SLC1A3: variants seen among roughly 807,000 people sequenced by gnomAD.
SLC1A3 encodes solute carrier family 1 member 3.
In SLC1A3, 21 loss-of-function variants were observed where a neutral mutation model predicts 48.1. That is an observed-to-expected ratio of 0.44 (90% CI 0.31 to 0.63). SLC1A3 has a LOEUF of 0.63. Among genes scored for constraint, SLC1A3 ranks in the 20% least tolerant of loss-of-function variants. SLC1A3 has a pLI of 0.08. For missense variants in SLC1A3, 546 were observed against 689.0 expected, an observed-to-expected ratio of 0.79 and a Z score of 2.32; for synonymous variants, 239 against 251.4, an observed-to-expected ratio of 0.95 and a Z score of 0.47.
intron 1 of SLC1A3, among the ~76,000 whole-genome samples, chr5:36,607,550 C>T (rs1739003154): frequency 6.6e-6 from 1 of 152,198 alleles, no homozygotes; most frequent in South Asian, 2.1e-4. Flanking sequence ...TTTTAAAACG[C>T]TAAAAAGTCA....
chr5:36,616,192 C>G (rs188934496), intron 2 of SLC1A3, among the ~76,000 whole-genome samples: 2 of 151,544 alleles, frequency 1.3e-5, no homozygotes, highest in East Asian at 3.9e-4. Flanking sequence ...GAGACTCCAT[C>G]TAAAAAAAAA....
chr5:36,604,917 G>T (rs1301567207), upstream of SLC1A3, among the ~76,000 whole-genome samples: 197 of 135,004 alleles, frequency 1.5e-3, no homozygotes, highest in African/African-American at 4.3e-3. Context: ...GGGGGGGGGG[G>T]GTGTGCAAAT....
At chr5:36,652,590 C>G (rs1284427220) in intron 3 of SLC1A3, among the ~76,000 whole-genome samples, 1 of 152,190 alleles carries the variant, frequency 6.6e-6, no homozygotes, top group Admixed American at 6.5e-5. Context: ...AGATTCACGT[C>G]TTCTGAAGCC....
chr5:36,637,221 C>T (rs922579332), intron 3 of SLC1A3, among the ~76,000 whole-genome samples: 1 of 152,212 alleles, frequency 6.6e-6, no homozygotes, highest in African/African-American at 2.4e-5. Context: ...TCTATTAATG[C>T]AGGCCAAGGT....
intron 1 of SLC1A3, among the ~76,000 whole-genome samples, chr5:36,599,508 C>CTTTT (rs1176214248): frequency 0.092 from 7,167 of 77,892 alleles, 764 homozygotes; most frequent in African/African-American, 0.18. Context: ...TACGGTTGAA[C>CTTTT]TTTTTTTTTT....
chr5:36,658,444 A>T (rs890844256), intron 3 of SLC1A3, among the ~76,000 whole-genome samples: 2 of 152,160 alleles, frequency 1.3e-5, no homozygotes, highest in African/African-American at 4.8e-5. Context: ...AAATAATGAT[A>T]TATGAGGATC....
At chr5:36,602,035 T>C (rs1336325596), upstream of SLC1A3, among the ~76,000 whole-genome samples, 1 of 152,118 alleles carries the variant, frequency 6.6e-6, no homozygotes, top group African/African-American at 2.4e-5. Context: ...TGGTAATGAC[T>C]CTGGAGATTT....
intron 3 of SLC1A3, among the ~76,000 whole-genome samples, chr5:36,656,473 C>T (rs1741290113): frequency 6.6e-6 from 1 of 152,174 alleles, no homozygotes; most frequent in Non-Finnish European, 1.5e-5. Context: ...AAATATTTTT[C>T]ATAATTTTTC....
chr5:36,677,301 TG>T, intron 6 of SLC1A3, 117 bp downstream of exon 6: 2 of 829,786 alleles, frequency 2.4e-6, no homozygotes, highest in African/African-American at 1.7e-5. Flanking sequence ...TATCTCACTC[TG>T]GTAAGCCCAG....
intron 3 of SLC1A3, 25 bp from the exon 4 acceptor site, chr5:36,671,004 A>C: frequency 6.2e-7 from 1 of 1,608,476 alleles, no homozygotes; most frequent in East Asian, 2.2e-5. Context: ...TGACTTCCTG[A>C]AAATCTTCTG....
At chr5:36,658,226 C>T (rs973300375) in intron 3 of SLC1A3, among the ~76,000 whole-genome samples, 1 of 152,018 alleles carries the variant, frequency 6.6e-6, no homozygotes, top group Admixed American at 6.5e-5. Context: ...GAAATGAGGA[C>T]GAGAGCAGAA....
chr5:36,608,917 A>G, intron 2 of SLC1A3: 1 of 1,079,968 alleles, frequency 9.3e-7, no homozygotes, highest in Non-Finnish European at 1.1e-6. Flanking sequence ...ATGACAAAGC[A>G]AGCATGCTAG....
intron 2 of SLC1A3, chr5:36,608,918 A>G (rs1739079916): frequency 1.9e-6 from 2 of 1,078,736 alleles, no homozygotes; most frequent in Non-Finnish European, 2.2e-6. Context: ...TGACAAAGCA[A>G]GCATGCTAGA....
In SLC1A3 at chr5:36,671,205, G is replaced by A. The variant is rs1741981616; in HGVS notation, c.496G>A (p.Ala166Thr). The A allele has an allele frequency of 1.2e-6, 2 of 1,613,618 alleles. No individual in the cohort carries two copies. Among genetic ancestry groups the A allele is most frequent in the Non-Finnish European group, 1.7e-6 (2 of 1,179,616 alleles). ...AGAAGGCAAAATTGTACGAGTGACA[G>A]CTGCAGATGCCTTCCTGGACTTGAT... ...HREGKIVRVT[A>T]ADAFLDLIRN... Residue 166 changes from alanine (A) to threonine (T), a missense_variant, in exon 4 of 10, where the codon GCT becomes ACT. Around this residue, in one of 3 missense-constraint regions of SLC1A3, gnomAD observed 348 missense variants for 392.0 expected, o/e 0.89. Coordinates refer to ENST00000265113, the MANE Select transcript of SLC1A3 (RefSeq NM_004172.5).
chr5:36,677,150 G>A lies in SLC1A3; in HGVS notation c.826G>A (p.Glu276Lys), dbSNP rs868042440. ...ALREFFDSLN[E>K]AIMRLVAVIM... ...GAGAGAGTTCTTTGATTCTCTTAAC[G>A]AAGCCATCATGAGACTGGTAGCAGT... Residue 276 changes from glutamate (E) to lysine (K), a missense_variant, in exon 6 of 10, where the codon GAA becomes AAA. By Grantham distance (56) the Glu-to-Lys change is moderately conservative (BLOSUM62 1). Coordinates refer to ENST00000265113, the MANE Select transcript of SLC1A3 (RefSeq NM_004172.5). The A allele has an allele frequency of 2.5e-6, 4 of 1,614,024 alleles. No homozygotes were observed. Among genetic ancestry groups the A allele is most frequent in the South Asian group, 1.1e-5 (1 of 91,078 alleles).
At chr5:36,662,258 T>A (rs1741544662) in intron 3 of SLC1A3, among the ~76,000 whole-genome samples, 1 of 152,140 alleles carries the variant, frequency 6.6e-6, no homozygotes, top group African/African-American at 2.4e-5. Flanking sequence ...GTGATAGAGG[T>A]TTCTTTCCAA....
chr5:36,620,325 A>G (rs369346795), intron 2 of SLC1A3, among the ~76,000 whole-genome samples: 32 of 152,354 alleles, frequency 2.1e-4, no homozygotes, highest in African/African-American at 7.0e-4. Context: ...AACCTACCTT[A>G]GGAGCAAATT....
At chr5:36,662,571 A>G (rs893186461) in intron 3 of SLC1A3, among the ~76,000 whole-genome samples, 4 of 152,202 alleles carry the variant, frequency 2.6e-5, no homozygotes, top group African/African-American at 7.2e-5. Flanking sequence ...TTCCTCTTCA[A>G]AAAAGCATAT....
At chr5:36,639,056 T>C (rs777233176) in intron 3 of SLC1A3, among the ~76,000 whole-genome samples, 55 of 152,230 alleles carry the variant, frequency 3.6e-4, no homozygotes, top group South Asian at 6.2e-4. Context: ...GAAATGCTAC[T>C]CTGCAAAGGT....
Sources: gnomAD v4.1 joint callset for allele counts (sites outside exome capture counted in the v4.1 genomes callset) on GRCh38, gnomAD v4.1.1 for gene constraint, gnomAD v4.1.1 regional missense constraint, MANE v1.5 for transcripts, NCBI Gene and HGNC (gene_info 2026-07-23, HGNC 2026-07-21) for gene names.